Variants in IL1B observed in about 807,000 individuals in gnomAD.
IL1B encodes interleukin 1 beta.
In IL1B, 11 loss-of-function variants were observed where a neutral mutation model predicts 26.2. That is an observed-to-expected ratio of 0.42 (90% CI 0.26 to 0.70). The LOEUF (loss-of-function observed/expected upper bound fraction) is 0.70. Among genes scored for constraint, IL1B ranks in the 30% least tolerant of loss-of-function variants. The pLI is 0.25. For synonymous variants in IL1B, 118 were observed against 120.8 expected (o/e 0.98, Z 0.15); for missense variants, 255 against 327.5 (o/e 0.78, Z 1.71).
rs1400581413 is a variant in IL1B, at chr2:112,829,856, CTTAA to C, written c.*501_*504del. The C allele has an allele frequency of 6.4e-6, 1 of 155,874 alleles. No individual in the cohort carries two copies. The highest frequency in any genetic ancestry group is 1.4e-5 in the Non-Finnish European group (1 of 70,246). 9.7% of individuals were successfully genotyped at this position (155,874 alleles called of 1,614,324 possible). A position where few individuals can be genotyped will look rare whatever the true frequency, so the allele number is the denominator to read the frequency against. On this transcript the variant is annotated 3_prime_UTR_variant, in exon 7 of 7. Coordinates refer to ENST00000263341, the MANE Select transcript of IL1B (RefSeq NM_000576.3). The stretch of plus-strand genomic sequence containing the variant: ...TAATCTGAGCTTATATATTTTCAGT[CTTAA>C]TTAAAGGACTTGATTTAAAGAGAGC...
In IL1B at chr2:112,833,552, G is replaced by A. The variant is rs1305616266; in HGVS notation, c.123C>T (p.Leu41=). The change falls in exon 4 of 7, where the codon CTC becomes CTT. Residue 41 remains leucine (L), a synonymous_variant. Coordinates refer to ENST00000263341, the MANE Select transcript of IL1B (RefSeq NM_000576.3). The part of the protein sequence containing the change: ...QMKCSFQDLD[L]CPLDGGIQLR... The stretch of plus-strand genomic sequence containing the variant: ...GCTGGATGCCGCCATCCAGAGGGCA[G>A]AGGTCCAGGTCCTGGAAGGAGCACT... 6.2e-7 allele frequency: 1 copy of A among 1,613,968 alleles called. No homozygotes were observed. The highest frequency in any genetic ancestry group is 1.7e-5 in the Admixed American group (1 of 60,014).
chr2:112,835,206 C>T, intron 3 of IL1B: 1 of 362,316 alleles, frequency 2.8e-6, no homozygotes, highest in East Asian at 6.4e-5. Flanking sequence ...TCAAGATCAT[C>T]TCTTGGTTTC....
In IL1B at chr2:112,833,530, G is replaced by T. The variant is rs529396429; in HGVS notation, c.145C>A (p.Gln49Lys). Residue 49 changes from glutamine (Q) to lysine (K), a missense_variant, in exon 4 of 7, where the codon CAG becomes AAG. Physicochemically the swap from Gln to Lys is moderately conservative, Grantham distance 53. Transcript: ENST00000263341. Reference sequence around the variant, plus strand: ...TAGTGGTGGTCGGAGATTCGTAGCTGGATGCCGCCATCCAGAGGGCAGAGG... The same window carrying T: ...TAGTGGTGGTCGGAGATTCGTAGCTTGATGCCGCCATCCAGAGGGCAGAGG... ...LDLCPLDGGI[Q>K]LRISDHHYSK... 9 of 1,614,140 alleles carry T rather than the reference G, an allele frequency of 5.6e-6. No individual in the cohort carries two copies. The Admixed American group carries it at 1.5e-4, about 27-fold the overall frequency.
chr2:112,833,864 G>A (rs1682038074), intron 3 of IL1B, among the ~76,000 whole-genome samples: 1 of 152,050 alleles, frequency 6.6e-6, no homozygotes, highest in Non-Finnish European at 1.5e-5. Context: ...GTGGTGGGGT[G>A]CACCTGTAAT....
chr2:112,831,506 G>A, intron 5 of IL1B, 84 bp from the exon 6 acceptor site: 2 of 1,513,182 alleles, frequency 1.3e-6, no homozygotes, highest in Admixed American at 1.7e-5. Context: ...TAGGATACAT[G>A]TAATTTGGTA....
chr2:112,832,786 C>A lies in IL1B; in HGVS notation c.342G>T (p.Val114=), dbSNP rs745362909. 3.1e-6 allele frequency: 5 copies of A among 1,614,152 alleles called. No homozygotes were observed. In the South Asian group the frequency reaches 5.5e-5, roughly 18 times the overall value. Residue 114 remains valine, a synonymous_variant, in exon 5 of 7, where the codon GTG becomes GTT. Transcript: ENST00000263341. ...TCAGTGATCGTACAGGTGCATCGTG[C>A]ACATAAGCCTCGTTATCCCATGTGT... ...FFDTWDNEAY[V]HDAPVRSLNC...
At chr2:112,833,114 A>G in intron 4 of IL1B, 1 of 602,018 alleles carries the variant, frequency 1.7e-6, no homozygotes, top group Non-Finnish European at 2.9e-6. Context: ...GGAGGTTACG[A>G]ACCTCTGGTG....
At chr2:112,830,611 G>C (rs376007486) in intron 6 of IL1B, 38 bp from the exon 7 acceptor site, 1 of 1,406,114 alleles carries the variant, frequency 7.1e-7, no homozygotes, top group Non-Finnish European at 1.0e-6. Context: ...TGTGGGGCAA[G>C]GGACAAAGAT....
intron 6 of IL1B, 140 bp downstream of exon 6, chr2:112,831,152 A>G (rs1022692855): frequency 5.3e-6 from 5 of 941,380 alleles, no homozygotes; most frequent in Admixed American, 3.5e-5. Flanking sequence ...ATTATGTTAA[A>G]TTTATTTACA....
rs1191503899 is a variant in IL1B at position 112,830,399 on chromosome 2, C to T, written c.772G>A (p.Asp258Asn). 22 of 1,614,038 alleles carry T rather than the reference C, an allele frequency of 1.4e-5. No homozygotes were observed. The highest frequency in any genetic ancestry group is 1.9e-5 in the Non-Finnish European group (22 of 1,180,038). Reference sequence around the variant, plus strand: ...AATTGCATGGTGAAGTCAGTTATATCCTGGCCGCCTTTGGTCCCTCCCAGG... The same window carrying T: ...AATTGCATGGTGAAGTCAGTTATATTCTGGCCGCCTTTGGTCCCTCCCAGG... ...VFLGGTKGGQ[D>N]ITDFTMQFVS... Residue 258 changes from aspartate to asparagine, a missense_variant, in exon 7 of 7, where the codon GAT becomes AAT. By Grantham distance (23) the Asp-to-Asn change is conservative. Coordinates refer to ENST00000263341, the MANE Select transcript of IL1B (RefSeq NM_000576.3).
Position 112,830,279 on chromosome 2 carries a change from T to C in IL1B, c.*82A>G. The C allele has an allele frequency of 8.3e-7, 1 of 1,210,878 alleles. No individual in the cohort carries two copies. Among genetic ancestry groups the C allele is most frequent in the South Asian group, 1.2e-5 (1 of 82,564 alleles). The allele number at this position is 1,210,878 out of a possible 1,614,324, so 75.0% of individuals were successfully genotyped here. ...AGGAAAGTCCAGGCTATAGCCGTACTCAAAAACCTTTCTGTTCCCTTTCTG... is the reference window on the plus strand; with the variant it reads ...AGGAAAGTCCAGGCTATAGCCGTACCCAAAAACCTTTCTGTTCCCTTTCTG... On this transcript the variant is annotated 3_prime_UTR_variant, in exon 7 of 7. Coordinates refer to ENST00000263341, the MANE Select transcript of IL1B (RefSeq NM_000576.3).
rs1253521652 is a variant in IL1B at position 112,830,243 on chromosome 2, G to A, written c.*118C>T. On this transcript the variant is annotated 3_prime_UTR_variant, in exon 7 of 7. Coordinates refer to ENST00000263341, the MANE Select transcript of IL1B (RefSeq NM_000576.3). ...CCCTAAGGCAGGCAGTTGGGCATTG[G>A]TGTAGACAACAGGAAAGTCCAGGCT... 7 of 841,462 alleles carry A rather than the reference G, an allele frequency of 8.3e-6. No individual in the cohort carries two copies. Among genetic ancestry groups the A allele is most frequent in the Non-Finnish European group, 1.4e-5 (7 of 486,864 alleles). The allele number at this position is 841,462 out of a possible 1,614,324, so 52.1% of individuals were successfully genotyped here.
chr2:112,836,133 C>A, intron 2 of IL1B, 50 bp downstream of exon 2: 1 of 1,580,210 alleles, frequency 6.3e-7, no homozygotes, highest in Non-Finnish European at 8.7e-7. Context: ...ACACTCTACT[C>A]TTGAAAGAGG....
At chr2:112,830,963 G>A (rs1681975433) in intron 6 of IL1B, among the ~76,000 whole-genome samples, 2 of 152,028 alleles carry the variant, frequency 1.3e-5, no homozygotes, top group African/African-American at 4.8e-5. Flanking sequence ...GTAATTTTGG[G>A]AGTGGAGTGG....
At chr2:112,832,605 G>A in intron 5 of IL1B, 57 bp downstream of exon 5, 9 of 1,533,714 alleles carry the variant, frequency 5.9e-6, no homozygotes, top group Non-Finnish European at 8.1e-6. Flanking sequence ...TTTAAAACAT[G>A]GAGAATTAGC....
chr2:112,830,801 ATT>A (rs879633470), intron 6 of IL1B, among the ~76,000 whole-genome samples: 1 of 146,606 alleles, frequency 6.8e-6, no homozygotes. Context: ...GTAGGTGAGA[ATT>A]TTTTTTTTTT....
chr2:112,836,239 A>G lies in IL1B; in HGVS notation c.-10T>C. 1 of 1,613,178 alleles carries G rather than the reference A, an allele frequency of 6.2e-7. No homozygotes were observed. The highest frequency in any genetic ancestry group is 8.5e-7 in the Non-Finnish European group (1 of 1,179,190). ...CAGGTACTTCTGCCATGGCTGCTTC[A>G]GACACCTGTGTAAAAAGGAGAAAAT... On this transcript the variant is annotated 5_prime_UTR_variant, in exon 2 of 7. Transcript: ENST00000263341.
At chr2:112,833,596 G>A in intron 3 of IL1B, 21 bp from the exon 4 acceptor site, 1 of 1,610,790 alleles carries the variant, frequency 6.2e-7, no homozygotes. Context: ...AGCGAGGGAG[G>A]GAGCCTGGTG....
Position 112,830,141 on chromosome 2 carries a change from C to T in IL1B, c.*220G>A. On this transcript the variant is annotated 3_prime_UTR_variant, in exon 7 of 7. Transcript: ENST00000263341. ...GAGAGGTGAGAGAGGCCTGGCTCAA[C>T]AAAAGGGCTGGGGATTGGCCCTGAA... 2 of 555,560 alleles carry T rather than the reference C, an allele frequency of 3.6e-6. No individual in the cohort carries two copies. Among genetic ancestry groups the T allele is most frequent in the Non-Finnish European group, 3.2e-6 (1 of 310,396 alleles). 34.4% of individuals were successfully genotyped at this position (555,560 alleles called of 1,614,324 possible).
Sources: allele counts gnomAD v4.1 joint callset (sites outside exome capture counted in the v4.1 genomes callset), GRCh38; gene constraint gnomAD v4.1.1; transcripts MANE v1.5; gene names NCBI Gene and HGNC (gene_info 2026-07-23, HGNC 2026-07-21).